SCN8A: variants seen among roughly 807,000 people sequenced by gnomAD.
SCN8A encodes the protein sodium voltage-gated channel alpha subunit 8.
SCN8A carries 30 observed loss-of-function variants against 184.1 expected under a neutral mutation model. The observed-to-expected ratio is 0.16, with a 90% CI of 0.12 to 0.22. The LOEUF is 0.22. Ranked by LOEUF, SCN8A falls within the 10% of genes least tolerant of loss-of-function variation. The pLI is 1.00. For synonymous variants in SCN8A, 852 were observed against 907.0 expected, an observed-to-expected ratio of 0.94 and a Z score of 1.09; for missense variants, 1,057 against 2,498.9, an observed-to-expected ratio of 0.42 and a Z score of 12.30.
chr12:51,709,461 T>C (rs1320988336), intron 11 of SCN8A, among the ~76,000 whole-genome samples: 1 of 152,160 alleles, frequency 6.6e-6, no homozygotes, highest in African/African-American at 2.4e-5. Context: ...AAGAGTTCAG[T>C]GAAGTCAGGA....
At chr12:51,752,566 C>T (rs1283116372) in intron 14 of SCN8A, among the ~76,000 whole-genome samples, 1 of 152,222 alleles carries the variant, frequency 6.6e-6, no homozygotes, top group African/African-American at 2.4e-5. Flanking sequence ...CCCTGGTATA[C>T]ATCCAAGATG....
chr12:51,747,081 CTGTGTGTATGTGTG>C (rs1169524696), intron 13 of SCN8A, among the ~76,000 whole-genome samples: 43 of 90,638 alleles, frequency 4.7e-4, no homozygotes, highest in East Asian at 1.9e-3. Context: ...CACTTCTACT[CTGTGTGTATGTGTG>C]TGTGTGTGTG....
intron 23 of SCN8A, among the ~76,000 whole-genome samples, 191 bp from the exon 24 acceptor site, chr12:51,789,090 C>G (rs1286579038): frequency 6.6e-6 from 1 of 152,154 alleles, no homozygotes; most frequent in Non-Finnish European, 1.5e-5. Context: ...CCACATGAGT[C>G]AGAGGACGAC....
chr12:51,788,496 A>G (rs1938152510), intron 22 of SCN8A, 199 bp from the exon 23 acceptor site: 2 of 383,228 alleles, frequency 5.2e-6, no homozygotes, highest in African/African-American at 4.1e-5. Context: ...TTTATTTGCC[A>G]AACTTTGTTG....
chr12:51,595,887 A>G (rs939199739), intron 1 of SCN8A, among the ~76,000 whole-genome samples: 25 of 152,218 alleles, frequency 1.6e-4, no homozygotes, highest in African/African-American at 6.0e-4. Flanking sequence ...TTGGATGGAC[A>G]TTGCTAAGAA....
chr12:51,811,289 C>T lies in SCN8A; in HGVS notation c.*3860C>T, dbSNP rs972685262. On this transcript the variant is annotated 3_prime_UTR_variant, in exon 27 of 27. Transcript: ENST00000627620. ...TTGGAAGAAAAGCAAGGTCCTGACC[C>T]CCCCCAGATCCCCACTCACCCATTG... 5 of 151,962 alleles carry T rather than the reference C, an allele frequency of 3.3e-5. No individual in the cohort carries two copies. Among genetic ancestry groups the T allele is most frequent in the Admixed American group, 6.6e-5 (1 of 15,266 alleles). 9.4% of individuals were successfully genotyped at this position (151,962 alleles called of 1,614,324 possible). A position where few individuals can be genotyped will look rare whatever the true frequency, so the allele number is the denominator to read the frequency against.
At position 51,705,645 on chromosome 12, in the gene SCN8A, A is replaced by G. The variant is rs962371158; in HGVS notation, c.1341+22A>G. 8 of 1,598,830 alleles carry G rather than the reference A, an allele frequency of 5.0e-6. No homozygotes were observed. The East Asian group carries it at 1.1e-4, about 22-fold the overall frequency. On this transcript the variant is annotated intron_variant, in intron 10 of 26. Transcript: ENST00000627620. The stretch of plus-strand genomic sequence containing the variant: ...ACAGGTTGGTGATGAATTCTTTGCA[A>G]TAGACCTTCCTGCCAGATCATGGTG...
At chr12:51,702,542 T>C (rs1247378508) in intron 8 of SCN8A, among the ~76,000 whole-genome samples, 1 of 152,168 alleles carries the variant, frequency 6.6e-6, no homozygotes, top group Non-Finnish European at 1.5e-5. Flanking sequence ...TGCAGGAATC[T>C]GCATTTTTAA....
In SCN8A at chr12:51,755,223, A is replaced by G. The variant is rs139407255; in HGVS notation, c.2370+3630A>G. Among the ~76,000 whole-genome samples the G allele has an allele frequency of 4.5e-3, 691 of 152,288 alleles. 9 individuals carry two copies. Among genetic ancestry groups the G allele is most frequent in the African/African-American group, 0.016 (666 of 41,560 alleles). ...GTATTTGTGAGGAAGACCATTTGAA[A>G]CGATTTAAATTTCCTGTTCATTCAG... On this transcript the variant is annotated intron_variant, in intron 14 of 26. Coordinates refer to ENST00000627620, the MANE Select transcript of SCN8A (RefSeq NM_001330260.2).
At chr12:51,716,085 G>A (rs1363544739) in intron 11 of SCN8A, among the ~76,000 whole-genome samples, 4 of 152,220 alleles carry the variant, frequency 2.6e-5, no homozygotes. Flanking sequence ...TATAATCTCA[G>A]CACTTTGGGA....
Position 51,662,816 on chromosome 12 carries a change from A to G in SCN8A, c.-2A>G. 6.2e-7 allele frequency: 1 copy of G among 1,613,264 alleles called. No individual in the cohort carries two copies. Among genetic ancestry groups the G allele is most frequent in the South Asian group, 1.1e-5 (1 of 91,058 alleles). ...CTAACGAAGCTGCTGCAGGATGAGA[A>G]GATGGCAGCGCGGCTGCTTGCACCA... On this transcript the variant is annotated 5_prime_UTR_variant, in exon 2 of 27. Coordinates refer to ENST00000627620, the MANE Select transcript of SCN8A (RefSeq NM_001330260.2).
chr12:51,724,376 G>C (rs1360770794), intron 12 of SCN8A, among the ~76,000 whole-genome samples: 5 of 152,038 alleles, frequency 3.3e-5, no homozygotes, highest in Non-Finnish European at 7.4e-5. Context: ...GAACCTGGGA[G>C]GCGGAGGCTG....
chr12:51,762,109 T>C (rs1942771605), intron 14 of SCN8A, among the ~76,000 whole-genome samples: 1 of 152,228 alleles, frequency 6.6e-6, no homozygotes, highest in South Asian at 2.1e-4. Flanking sequence ...AATACTTTAT[T>C]TTTCTAATCA....
intron 21 of SCN8A, among the ~76,000 whole-genome samples, chr12:51,782,409 T>G (rs1425439241): frequency 1.3e-5 from 2 of 152,240 alleles, no homozygotes; most frequent in Admixed American, 1.3e-4. Context: ...AGGGAGCTAA[T>G]AAAATGTTTT....
At chr12:51,762,002 T>C (rs1268866678) in intron 14 of SCN8A, among the ~76,000 whole-genome samples, 1 of 152,158 alleles carries the variant, frequency 6.6e-6, no homozygotes, top group African/African-American at 2.4e-5. Flanking sequence ...ATTATAGATA[T>C]TATTTCCTAT....
intron 1 of SCN8A, among the ~76,000 whole-genome samples, chr12:51,592,369 G>T (rs12369375): frequency 3.3e-5 from 5 of 151,942 alleles, no homozygotes; most frequent in Non-Finnish European, 7.4e-5. Flanking sequence ...CCCCAGCTTC[G>T]AGTTGGGATG....
intron 20 of SCN8A, among the ~76,000 whole-genome samples, chr12:51,775,681 A>G (rs1937670862): frequency 6.6e-6 from 1 of 152,232 alleles, no homozygotes; most frequent in African/African-American, 2.4e-5. Context: ...TAAGACCCAG[A>G]GAGCCAAAGT....
chr12:51,638,677 G>T (rs1424092235), intron 1 of SCN8A, among the ~76,000 whole-genome samples: 1 of 151,830 alleles, frequency 6.6e-6, no homozygotes, highest in African/African-American at 2.4e-5. Context: ...AGTAGAGACG[G>T]GGTTTCACCA....
At chr12:51,711,114 T>G (rs552245505) in intron 11 of SCN8A, among the ~76,000 whole-genome samples, 17 of 152,348 alleles carry the variant, frequency 1.1e-4, no homozygotes, top group African/African-American at 4.1e-4. Flanking sequence ...TTGGGGAAAG[T>G]ATGATAGTAG....
Sources: gnomAD v4.1 joint callset for allele counts (sites outside exome capture counted in the v4.1 genomes callset) on GRCh38, gnomAD v4.1.1 for gene constraint, MANE v1.5 for transcripts, NCBI Gene and HGNC (gene_info 2026-07-23, HGNC 2026-07-21) for gene names.